DPYD: variants seen among roughly 807,000 people sequenced by gnomAD.
DPYD encodes dihydropyrimidine dehydrogenase [NADP(+)].
Under a neutral mutation model 116.2 loss-of-function variants are expected in DPYD, and 109 were observed. That is an observed-to-expected ratio of 0.94 (90% confidence interval 0.80 to 1.10). The LOEUF (loss-of-function observed/expected upper bound fraction) is 1.10. DPYD is among the 50% of genes least tolerant of loss of function. DPYD has a pLI of 0.00. For missense variants in DPYD, 1,302 were observed against 1,254.5 expected (o/e 1.04, Z -0.57); for synonymous variants, 440 against 432.0 (o/e 1.02, Z -0.23).
intron 16 of DPYD, among the ~76,000 whole-genome samples, chr1:97,335,013 G>A (rs990711656): frequency 2.6e-5 from 4 of 152,024 alleles, no homozygotes; most frequent in Admixed American, 2.6e-4. Flanking sequence ...CAAAGAGTAG[G>A]TTTTTAAAAA....
At chr1:97,333,125 T>G (rs1397742786) in intron 16 of DPYD, among the ~76,000 whole-genome samples, 1 of 151,174 alleles carries the variant, frequency 6.6e-6, no homozygotes. Flanking sequence ...TGCCATGATC[T>G]GCTCACTGCA....
chr1:97,165,522 C>A (rs999777984), intron 20 of DPYD, among the ~76,000 whole-genome samples: 3 of 151,952 alleles, frequency 2.0e-5, no homozygotes, highest in Non-Finnish European at 4.4e-5. Context: ...GCAAAGATTT[C>A]ATGACGAAGC....
At chr1:97,518,186 T>TACAC (rs59460571) in intron 12 of DPYD, among the ~76,000 whole-genome samples, 5,296 of 150,962 alleles carry the variant, frequency 0.035, 139 homozygotes, top group Middle Eastern at 0.092. Context: ...AATAATAAAA[T>TACAC]ACACACACAC....
chr1:97,507,208 A>G, intron 13 of DPYD, among the ~76,000 whole-genome samples: 2 of 152,018 alleles, frequency 1.3e-5, no homozygotes, highest in East Asian at 3.9e-4. Context: ...AAATACGTCT[A>G]AGTTATAAGA....
intron 8 of DPYD, among the ~76,000 whole-genome samples, chr1:97,596,908 G>C (rs1654925529): frequency 6.6e-6 from 1 of 152,186 alleles, no homozygotes; most frequent in Non-Finnish European, 1.5e-5. Context: ...AGCATAGTTA[G>C]GGGAGCCACC....
intron 18 of DPYD, among the ~76,000 whole-genome samples, chr1:97,246,140 T>C (rs1269009828): frequency 6.6e-6 from 1 of 152,144 alleles, no homozygotes; most frequent in African/African-American, 2.4e-5. Context: ...AAAAGAGAGA[T>C]CCTACTGTTT....
chr1:97,258,533 T>G (rs1663664445), intron 18 of DPYD, among the ~76,000 whole-genome samples: 1 of 152,146 alleles, frequency 6.6e-6, no homozygotes. Context: ...TGTCTCATAT[T>G]TCCTCCTCCC....
At chr1:97,752,272 A>T (rs1018374838) in intron 3 of DPYD, among the ~76,000 whole-genome samples, 6 of 150,260 alleles carry the variant, frequency 4.0e-5, no homozygotes, top group Non-Finnish European at 8.9e-5. Flanking sequence ...TTTTACAAAA[A>T]TAAAAAGTAA....
chr1:97,098,316 G>A (rs1046948873), intron 21 of DPYD, among the ~76,000 whole-genome samples, 173 bp downstream of exon 21: 8 of 152,038 alleles, frequency 5.3e-5, no homozygotes, highest in African/African-American at 1.9e-4. Flanking sequence ...AAATAAAAAA[G>A]GTTATTTTAT....
At chr1:97,142,336 T>C (rs1036946766) in intron 20 of DPYD, among the ~76,000 whole-genome samples, 1 of 152,146 alleles carries the variant, frequency 6.6e-6, no homozygotes, top group South Asian at 2.1e-4. Context: ...CTGACAAATA[T>C]ATTTTATAGA....
rs114728107 is a variant in DPYD at position 97,092,674 on chromosome 1, T to C, written c.2766+5815A>G. ...TCTTTCTCCTTTATATCCTCCAGCA[T>C]AGGCCCATAATTCCTTTATCAATTT... On this transcript the variant is annotated intron_variant, in intron 21 of 22. Transcript: ENST00000370192. 8.1e-3 allele frequency among the ~76,000 whole-genome samples: 1,227 copies of C among 152,214 alleles called. 11 individuals carry two copies. The highest frequency in any genetic ancestry group is 0.028 in the African/African-American group (1,150 of 41,540).
chr1:97,699,949 C>T (rs571217782), intron 5 of DPYD, among the ~76,000 whole-genome samples: 5 of 152,134 alleles, frequency 3.3e-5, no homozygotes, highest in Non-Finnish European at 7.4e-5. Context: ...ACACATTACC[C>T]TTGCATTATA....
chr1:97,836,216 G>T (rs1020377856), intron 2 of DPYD, among the ~76,000 whole-genome samples: 1 of 152,102 alleles, frequency 6.6e-6, no homozygotes, highest in African/African-American at 2.4e-5. Context: ...TTGAACATCA[G>T]TGGTGTTCCT....
chr1:97,172,341 G>A (rs1198762462), intron 20 of DPYD, among the ~76,000 whole-genome samples: 2 of 152,036 alleles, frequency 1.3e-5, no homozygotes, highest in Non-Finnish European at 2.9e-5. Context: ...AGGTTCTGAC[G>A]AGCCCAAAAA....
At chr1:97,099,214 A>G (rs1650486124) in intron 20 of DPYD, among the ~76,000 whole-genome samples, 1 of 152,160 alleles carries the variant, frequency 6.6e-6, no homozygotes, top group Non-Finnish European at 1.5e-5. Context: ...AAAATGGTAA[A>G]AATATTGATT....
intron 8 of DPYD, among the ~76,000 whole-genome samples, chr1:97,673,307 T>C (rs1571167513): frequency 6.6e-6 from 1 of 151,858 alleles, no homozygotes; most frequent in East Asian, 1.9e-4. Context: ...CTGCTATTAT[T>C]ACCAATATCA....
chr1:97,520,621 C>A (rs1044620211), intron 12 of DPYD, among the ~76,000 whole-genome samples: 1 of 152,002 alleles, frequency 6.6e-6, no homozygotes, highest in Admixed American at 6.6e-5. Flanking sequence ...GCTATCCCTC[C>A]CCTAACCCCC....
intron 15 of DPYD, among the ~76,000 whole-genome samples, chr1:97,377,806 G>A (rs1416381334): frequency 1.3e-5 from 2 of 152,156 alleles, no homozygotes; most frequent in Non-Finnish European, 2.9e-5. Flanking sequence ...AGCCATGAGG[G>A]CCCAGTGTGG....
intron 14 of DPYD, among the ~76,000 whole-genome samples, chr1:97,418,466 A>G (rs976514416): frequency 2.0e-5 from 3 of 152,048 alleles, no homozygotes; most frequent in African/African-American, 7.2e-5. Flanking sequence ...ACACCCAGCT[A>G]ATTTTTGTAT....
Sources: allele counts gnomAD v4.1 joint callset (sites outside exome capture counted in the v4.1 genomes callset), GRCh38; gene constraint gnomAD v4.1.1; transcripts MANE v1.5; gene names NCBI Gene and HGNC (gene_info 2026-07-23, HGNC 2026-07-21).